The following PLCB4 variants were observed in gnomAD, a reference collection of about 807,000 sequenced individuals.
PLCB4 encodes 1-phosphatidylinositol 4,5-bisphosphate phosphodiesterase beta-4.
A neutral mutation model predicts 178.8 loss-of-function variants in PLCB4; 77 were observed. The ratio of observed to expected loss-of-function variants is 0.43; its 90% confidence interval spans 0.36 to 0.52. PLCB4 has a LOEUF of 0.52. Ranked by LOEUF, PLCB4 falls within the 20% of genes least tolerant of loss-of-function variation. PLCB4 has a pLI of 0.00. For synonymous variants in PLCB4, 496 were observed against 490.8 expected, an observed-to-expected ratio of 1.01 and a Z score of -0.14; for missense variants, 1,024 against 1,453.4, an observed-to-expected ratio of 0.70 and a Z score of 4.80.
At chr20:9,275,307 A>T (rs531513000) in intron 3 of PLCB4, among the ~76,000 whole-genome samples, 1 of 152,022 alleles carries the variant, frequency 6.6e-6, no homozygotes, top group South Asian at 2.1e-4. Flanking sequence ...CAAGAATAGC[A>T]TGGGAAAGAC....
At chr20:9,221,354 T>A (rs1382196155) in intron 3 of PLCB4, among the ~76,000 whole-genome samples, 1 of 152,202 alleles carries the variant, frequency 6.6e-6, no homozygotes, top group African/African-American at 2.4e-5. Context: ...TTCATCTGCA[T>A]GTGAAGCAGC....
At chr20:9,307,274 G>T (rs1458636703) in intron 3 of PLCB4, among the ~76,000 whole-genome samples, 2 of 152,100 alleles carry the variant, frequency 1.3e-5, no homozygotes, top group South Asian at 2.1e-4. Flanking sequence ...GTAGGGGAAA[G>T]GGAGCCTAAG....
chr20:9,103,469 C>G (rs117913300), intron 2 of PLCB4, among the ~76,000 whole-genome samples: 1,525 of 152,192 alleles, frequency 0.01, 15 homozygotes, highest in South Asian at 0.021. Flanking sequence ...CTCTTAAAGT[C>G]TTGCTTAATA....
chr20:9,316,733 A>C (rs2094903501), intron 4 of PLCB4, among the ~76,000 whole-genome samples: 1 of 152,188 alleles, frequency 6.6e-6, no homozygotes, highest in Non-Finnish European at 1.5e-5. Flanking sequence ...TCTGAGCACC[A>C]CCTCAGTTGG....
intron 3 of PLCB4, among the ~76,000 whole-genome samples, chr20:9,278,724 G>A (rs6140909): frequency 0.05 from 7,642 of 152,046 alleles, 235 homozygotes; most frequent in South Asian, 0.13. Flanking sequence ...ATGAGCGCTG[G>A]ACTTCCAGGG....
chr20:9,137,302 A>G (rs2092403400), intron 2 of PLCB4, among the ~76,000 whole-genome samples: 1 of 152,226 alleles, frequency 6.6e-6, no homozygotes, highest in East Asian at 1.9e-4. Flanking sequence ...CTCTCTAGAC[A>G]GAATCAGATG....
intron 33 of PLCB4, among the ~76,000 whole-genome samples, chr20:9,454,577 T>C (rs1426078521): frequency 6.6e-6 from 1 of 152,202 alleles, no homozygotes; most frequent in Non-Finnish European, 1.5e-5. Flanking sequence ...TTGGTTTTTG[T>C]TTTTTATTTT....
At chr20:9,433,035 C>T (rs868086670) in intron 28 of PLCB4, among the ~76,000 whole-genome samples, 1 of 150,322 alleles carries the variant, frequency 6.7e-6, no homozygotes, top group African/African-American at 2.4e-5. Flanking sequence ...ATGCAGAGAT[C>T]GAGTTGCCAC....
At chr20:9,193,086 A>C (rs78517125) in intron 2 of PLCB4, among the ~76,000 whole-genome samples, 4,063 of 152,288 alleles carry the variant, frequency 0.027, 82 homozygotes, top group African/African-American at 0.035. Flanking sequence ...CTCATCATTC[A>C]ACAAATATTT....
intron 4 of PLCB4, among the ~76,000 whole-genome samples, chr20:9,329,783 T>C (rs1322071398): frequency 1.3e-5 from 2 of 152,136 alleles, no homozygotes; most frequent in African/African-American, 2.4e-5. Context: ...TGGCTCCTCA[T>C]GTGGAATGTG....
At chr20:9,404,604 CA>C (rs34712600) in intron 20 of PLCB4, among the ~76,000 whole-genome samples, 1,619 of 65,752 alleles carry the variant, frequency 0.025, 9 homozygotes, top group South Asian at 0.035. Flanking sequence ...GACTGTGTCT[CA>C]AAAAAAAAAA....
rs534054957 is a variant in PLCB4 at position 9,156,114 on chromosome 20, T to C, written c.-79+59772T>C. ...ATGATGGTCACTAAGAAGACCTTTT[T>C]TCTGTACACTTTCAGTGCTTCTTCA... On this transcript the variant is annotated intron_variant, in intron 2 of 39. Coordinates refer to ENST00000378473, the MANE Select transcript of PLCB4 (RefSeq NM_001377142.1). Among the ~76,000 whole-genome samples the C allele has an allele frequency of 4.5e-4, 69 of 152,174 alleles. 1 individual carries two copies. The highest frequency in any genetic ancestry group is 9.0e-4 in the Non-Finnish European group (61 of 68,032).
At chr20:9,470,935 A>C (rs2122641286) in intron 36 of PLCB4, among the ~76,000 whole-genome samples, 1 of 152,348 alleles carries the variant, frequency 6.6e-6, no homozygotes. Flanking sequence ...TGATAGTTAT[A>C]TTCTAAACCC....
chr20:9,354,910 G>T (rs959669471), intron 7 of PLCB4, among the ~76,000 whole-genome samples: 5 of 152,144 alleles, frequency 3.3e-5, no homozygotes, highest in African/African-American at 1.2e-4. Flanking sequence ...ACCAAATTTA[G>T]TTCACATCAT....
chr20:9,434,514 T>A (rs917124593), intron 28 of PLCB4, among the ~76,000 whole-genome samples: 17 of 152,142 alleles, frequency 1.1e-4, no homozygotes, highest in Admixed American at 9.8e-4. Flanking sequence ...TAGCTGAGAT[T>A]ACAGGCATGC....
intron 39 of PLCB4, among the ~76,000 whole-genome samples, chr20:9,478,608 G>C (rs1243617744): frequency 6.6e-6 from 1 of 152,132 alleles, no homozygotes; most frequent in Non-Finnish European, 1.5e-5. Flanking sequence ...AAAGCAAGTG[G>C]TCTACCCTCT....
chr20:9,456,916 C>G (rs922805132), intron 33 of PLCB4, among the ~76,000 whole-genome samples: 1 of 152,118 alleles, frequency 6.6e-6, no homozygotes, highest in African/African-American at 2.4e-5. Flanking sequence ...GGGCACTCGC[C>G]TAGCATATAT....
At chr20:9,461,713 A>G (rs1364429308) in intron 35 of PLCB4, among the ~76,000 whole-genome samples, 1 of 152,202 alleles carries the variant, frequency 6.6e-6, no homozygotes, top group Non-Finnish European at 1.5e-5. Flanking sequence ...AGGAGCGTCC[A>G]CCATTGCTGA....
chr20:9,369,289 A>T (rs948445539), intron 9 of PLCB4, among the ~76,000 whole-genome samples: 1 of 152,194 alleles, frequency 6.6e-6, no homozygotes, highest in Non-Finnish European at 1.5e-5. Context: ...TGAGATTGCT[A>T]TGCAAAGATT....
Sources: allele counts gnomAD v4.1 joint callset (sites outside exome capture counted in the v4.1 genomes callset), GRCh38; gene constraint gnomAD v4.1.1; transcripts MANE v1.5; gene names NCBI Gene and HGNC (gene_info 2026-07-23, HGNC 2026-07-21).